Variants in NAALADL2 observed in about 807,000 individuals in gnomAD.
NAALADL2 encodes the protein N-acetylated alpha-linked acidic dipeptidase like 2.
In NAALADL2, 76 loss-of-function variants were observed where a neutral mutation model predicts 87.2. The ratio of observed to expected loss-of-function variants is 0.87; its 90% CI spans 0.72 to 1.05. The LOEUF (loss-of-function observed/expected upper bound fraction) is 1.05. Ranked by LOEUF, NAALADL2 falls within the 50% of genes least tolerant of loss-of-function variation. NAALADL2 has a pLI of 0.00. For synonymous variants in NAALADL2, 354 were observed against 331.0 expected, an observed-to-expected ratio of 1.07 and a Z score of -0.75; for missense variants, 1,089 against 945.8, an observed-to-expected ratio of 1.15 and a Z score of -1.99.
intron 2 of NAALADL2, among the ~76,000 whole-genome samples, chr3:174,593,133 G>A (rs1278033408): frequency 6.6e-6 from 1 of 151,984 alleles, no homozygotes; most frequent in Non-Finnish European, 1.5e-5. Context: ...TTTACATCTT[G>A]GATGGTAGCT....
At chr3:174,542,531 T>G (rs1722337918) in intron 1 of NAALADL2, among the ~76,000 whole-genome samples, 1 of 151,962 alleles carries the variant, frequency 6.6e-6, no homozygotes, top group Admixed American at 6.6e-5. Context: ...CAAACTATAG[T>G]GAGAGGTTAA....
chr3:175,112,622 C>T (rs1271907658), intron 2 of NAALADL2: 5 of 151,572 alleles, frequency 3.3e-5, no homozygotes, highest in Non-Finnish European at 7.4e-5. Flanking sequence ...CCAGATGTTA[C>T]ATAGAGATGG....
intron 5 of NAALADL2, among the ~76,000 whole-genome samples, chr3:175,412,293 T>C (rs1167502776): frequency 2.0e-5 from 3 of 152,244 alleles, no homozygotes; most frequent in Non-Finnish European, 4.4e-5. Flanking sequence ...TGTGTGTTTA[T>C]ATAATTTTGT....
At chr3:175,719,170 G>A (rs777356170) in intron 11 of NAALADL2, among the ~76,000 whole-genome samples, 2 of 151,730 alleles carry the variant, frequency 1.3e-5, no homozygotes, top group Non-Finnish European at 2.9e-5. Context: ...AGGGAACATC[G>A]GCAATGTCTG....
chr3:174,452,629 C>T (rs1021020774), intron 1 of NAALADL2, among the ~76,000 whole-genome samples: 22 of 152,052 alleles, frequency 1.4e-4, no homozygotes, highest in Admixed American at 1.3e-3. Flanking sequence ...TACAAGTTCC[C>T]CAGAGTTAGA....
chr3:175,002,609 A>G (rs941939212), intron 1 of NAALADL2, among the ~76,000 whole-genome samples: 3 of 152,188 alleles, frequency 2.0e-5, no homozygotes, highest in African/African-American at 7.2e-5. Flanking sequence ...GGCTGGTTGC[A>G]GAAATTTAAG....
chr3:175,601,618 T>C (rs114246045), intron 10 of NAALADL2, among the ~76,000 whole-genome samples: 1,637 of 152,316 alleles, frequency 0.011, 9 homozygotes, highest in Non-Finnish European at 0.015. Context: ...GAATGAATCA[T>C]ACTATCTCCC....
intron 1 of NAALADL2, among the ~76,000 whole-genome samples, chr3:174,914,556 T>A (rs1313055988): frequency 6.6e-6 from 1 of 152,172 alleles, no homozygotes; most frequent in East Asian, 1.9e-4. Context: ...CTAATGCTAT[T>A]GTCATGGTAA....
In NAALADL2 at chr3:175,249,111, T is replaced by G. The variant is rs146667973; in HGVS notation, c.820-7300T>G. On this transcript the variant is annotated intron_variant, in intron 3 of 13. Coordinates refer to ENST00000454872, the MANE Select transcript of NAALADL2 (RefSeq NM_207015.3). ...TTTGGAAATAGCTACTCTTGTTTATTTTTTGTGTGCGTATATGAGGAAGTT... is the reference window on the plus strand; with the variant it reads ...TTTGGAAATAGCTACTCTTGTTTATGTTTTGTGTGCGTATATGAGGAAGTT... Among the ~76,000 whole-genome samples the G allele has an allele frequency of 9.1e-3, 1,391 of 152,262 alleles. 19 individuals carry two copies. Among genetic ancestry groups the G allele is most frequent in the African/African-American group, 0.032 (1,323 of 41,582 alleles).
At chr3:175,179,101 G>A (rs1736091548) in intron 2 of NAALADL2, among the ~76,000 whole-genome samples, 1 of 152,006 alleles carries the variant, frequency 6.6e-6, no homozygotes, top group Non-Finnish European at 1.5e-5. Flanking sequence ...TTTCTTGAGA[G>A]CTTTCTATGA....
intron 10 of NAALADL2, among the ~76,000 whole-genome samples, chr3:175,587,756 AC>A (rs1295071665): frequency 6.6e-6 from 1 of 151,858 alleles, no homozygotes; most frequent in Non-Finnish European, 1.5e-5. Context: ...GCCTACTTTG[AC>A]CCCGTCTCGT....
intron 1 of NAALADL2, among the ~76,000 whole-genome samples, chr3:175,038,815 G>A (rs1226532438): frequency 6.6e-6 from 1 of 151,968 alleles, no homozygotes; most frequent in Non-Finnish European, 1.5e-5. Context: ...CCTATGTAGT[G>A]AACAAATAAT....
intron 13 of NAALADL2, among the ~76,000 whole-genome samples, chr3:175,764,795 A>T (rs1029209199): frequency 8.5e-5 from 13 of 152,288 alleles, no homozygotes; most frequent in African/African-American, 2.9e-4. Context: ...TATTCAGTAC[A>T]TACATAATTT....
At chr3:175,186,017 C>T (rs1737279543) in intron 2 of NAALADL2, among the ~76,000 whole-genome samples, 1 of 151,928 alleles carries the variant, frequency 6.6e-6, no homozygotes. Flanking sequence ...AGTATTCACT[C>T]CTAGTAACCT....
intron 12 of NAALADL2, among the ~76,000 whole-genome samples, chr3:175,751,893 A>T (rs1746668931): frequency 6.6e-6 from 1 of 151,964 alleles, no homozygotes; most frequent in South Asian, 2.1e-4. Context: ...ATTTCAATTT[A>T]GTTTAATTTA....
At chr3:174,781,465 C>A (rs1400037453) in intron 3 of NAALADL2, among the ~76,000 whole-genome samples, 2 of 151,234 alleles carry the variant, frequency 1.3e-5, no homozygotes, top group African/African-American at 4.9e-5. Flanking sequence ...AGAATGGAAC[C>A]CTCAAAATTT....
rs557898934 is a variant in NAALADL2, at chr3:174,454,181, C to T, written c.-184+13149C>T. The stretch of plus-strand genomic sequence containing the variant: ...CGTAATGATAAAGGGTTCAATTCAA[C>T]GGGAAGATCTAACTTTCCTAAATAT... On this transcript the variant is annotated intron_variant, in intron 1 of 3. Coordinates refer to the NAALADL2 transcript ENST00000434257. 4.3e-4 allele frequency among the ~76,000 whole-genome samples: 66 copies of T among 152,238 alleles called. No individual in the cohort carries two copies. The South Asian group carries it at 0.012, about 27-fold the overall frequency.
At chr3:175,217,349 T>C (rs777877074) in intron 2 of NAALADL2, among the ~76,000 whole-genome samples, 8 of 152,190 alleles carry the variant, frequency 5.3e-5, no homozygotes, top group Non-Finnish European at 8.8e-5. Context: ...AAGCTTTGTG[T>C]TTCCAAAAAT....
chr3:175,587,002 CA>C (rs377279233), intron 10 of NAALADL2, among the ~76,000 whole-genome samples: 9 of 152,076 alleles, frequency 5.9e-5, no homozygotes, highest in Non-Finnish European at 1.3e-4. Flanking sequence ...TTGAACAATC[CA>C]AATGATTAAA....
Sources: allele counts gnomAD v4.1 joint callset (sites outside exome capture counted in the v4.1 genomes callset), GRCh38; gene constraint gnomAD v4.1.1; transcripts MANE v1.5; gene names NCBI Gene and HGNC (gene_info 2026-07-23, HGNC 2026-07-21).